MAGI3: variants seen among roughly 807,000 people sequenced by gnomAD.
MAGI3 encodes the protein membrane-associated guanylate kinase, WW and PDZ domain-containing protein 3.
A neutral mutation model predicts 121.8 loss-of-function variants in MAGI3; 43 were observed. That is an observed-to-expected ratio of 0.35 (90% confidence interval 0.28 to 0.46). The LOEUF (loss-of-function observed/expected upper bound fraction) is 0.46. MAGI3 is among the 20% of genes least tolerant of loss of function. The probability of loss-of-function intolerance (pLI) is 1.00; values close to 1 mark genes in which losing one functional copy is unlikely to be tolerated. For missense variants in MAGI3, 1,547 were observed against 1,797.3 expected (o/e 0.86, Z 2.52); for synonymous variants, 553 against 639.3 (o/e 0.86, Z 2.04).
chr1:113,659,144 A>G lies in MAGI3; in HGVS notation c.2694A>G (p.Lys898=), dbSNP rs140728689. The change falls in exon 16 of 21, where the codon AAA becomes AAG. Residue 898 remains lysine (K), a synonymous_variant. Transcript: ENST00000307546. ...GSPADRCGKL[K]VGDHISAVNG... is the part of the protein sequence containing the mutation. ...CGGCTGACCGCTGTGGAAAACTGAA[A>G]GTTGGAGATCATATCTCTGCAGTGA... 401 of 1,614,014 alleles carry G rather than the reference A, an allele frequency of 2.5e-4. 1 individual carries two copies. The African/African-American group carries it at 4.5e-3, about 18-fold the overall frequency.
At chr1:113,542,086 C>T (rs1187195984) in intron 1 of MAGI3, among the ~76,000 whole-genome samples, 7 of 152,120 alleles carry the variant, frequency 4.6e-5, no homozygotes, top group Admixed American at 4.6e-4. Context: ...GTTGTAAATT[C>T]CCACAATACT....
intron 12 of MAGI3, among the ~76,000 whole-genome samples, chr1:113,648,654 C>A (rs953232290): frequency 1.3e-5 from 2 of 151,858 alleles, no homozygotes; most frequent in Non-Finnish European, 2.9e-5. Flanking sequence ...GGCCAACTTA[C>A]TTACACCCTC....
intron 1 of MAGI3, among the ~76,000 whole-genome samples, chr1:113,411,575 A>G (rs557286177): frequency 6.6e-6 from 1 of 152,258 alleles, no homozygotes; most frequent in South Asian, 2.1e-4. Context: ...ATATGTTTTA[A>G]GTCACGATGA....
At chr1:113,647,273 G>A (rs754361251) in intron 12 of MAGI3, among the ~76,000 whole-genome samples, 3 of 152,232 alleles carry the variant, frequency 2.0e-5, no homozygotes, top group Non-Finnish European at 2.9e-5. Flanking sequence ...GGAACAGATT[G>A]AGGAAGGCCA....
At chr1:113,584,304 A>T (rs1229274435) in intron 3 of MAGI3, among the ~76,000 whole-genome samples, 4 of 152,160 alleles carry the variant, frequency 2.6e-5, no homozygotes, top group African/African-American at 9.6e-5. Flanking sequence ...GCTTTCCCAT[A>T]TTATTTGGCG....
At chr1:113,442,925 T>G (rs1462475534) in intron 1 of MAGI3, among the ~76,000 whole-genome samples, 2 of 152,192 alleles carry the variant, frequency 1.3e-5, no homozygotes, top group Non-Finnish European at 1.5e-5. Context: ...ATTTATAATT[T>G]GCCCTCAGTT....
intron 9 of MAGI3, among the ~76,000 whole-genome samples, chr1:113,636,146 C>A (rs1049573361): frequency 6.6e-6 from 1 of 150,992 alleles, no homozygotes. Flanking sequence ...TGCTAGTGGT[C>A]GATCAATTTT....
At chr1:113,474,353 A>T (rs1295026770) in intron 1 of MAGI3, among the ~76,000 whole-genome samples, 4 of 152,120 alleles carry the variant, frequency 2.6e-5, no homozygotes, top group Non-Finnish European at 2.9e-5. Flanking sequence ...TTATGTTATG[A>T]ATGGTATTGC....
intron 1 of MAGI3, among the ~76,000 whole-genome samples, chr1:113,531,837 C>T (rs1433956212): frequency 6.6e-6 from 1 of 152,070 alleles, no homozygotes; most frequent in Non-Finnish European, 1.5e-5. Context: ...CATACTGCAG[C>T]CACACTAAGG....
intron 1 of MAGI3, among the ~76,000 whole-genome samples, chr1:113,512,740 A>G (rs1657681992): frequency 6.6e-6 from 1 of 151,984 alleles, no homozygotes; most frequent in Non-Finnish European, 1.5e-5. Context: ...CTCTCTCACC[A>G]CTCCTATTCA....
At chr1:113,578,508 A>G (rs568828525) in intron 2 of MAGI3, among the ~76,000 whole-genome samples, 3 of 152,020 alleles carry the variant, frequency 2.0e-5, no homozygotes, top group African/African-American at 7.2e-5. Context: ...GCATCCTTCA[A>G]CTCCTGGTCT....
chr1:113,443,581 A>G (rs1181646370), intron 1 of MAGI3, among the ~76,000 whole-genome samples: 1 of 152,208 alleles, frequency 6.6e-6, no homozygotes, highest in South Asian at 2.1e-4. Context: ...TGATGCTTAG[A>G]ATGTACCAAT....
chr1:113,681,088 T>C (rs1404117442), intron 19 of MAGI3, 110 bp from the exon 20 acceptor site: 2 of 1,304,476 alleles, frequency 1.5e-6, no homozygotes, highest in Non-Finnish European at 2.1e-6. Context: ...TTAGGTATTT[T>C]ACAAACGAAA....
At chr1:113,404,611 T>C (rs983101578) in intron 1 of MAGI3, among the ~76,000 whole-genome samples, 1 of 152,130 alleles carries the variant, frequency 6.6e-6, no homozygotes, top group African/African-American at 2.4e-5. Context: ...CAGTTGACTA[T>C]GGTGGTAGTT....
chr1:113,572,378 G>T (rs1647350779), intron 2 of MAGI3, among the ~76,000 whole-genome samples: 1 of 152,182 alleles, frequency 6.6e-6, no homozygotes, highest in Non-Finnish European at 1.5e-5. Flanking sequence ...GTTCTGCCAG[G>T]TTTTGGTATC....
chr1:113,654,156 T>C (rs561997747), intron 15 of MAGI3, 138 bp downstream of exon 15: 1 of 663,086 alleles, frequency 1.5e-6, no homozygotes, highest in South Asian at 2.8e-5. Context: ...AATACTTTCC[T>C]TATTTTCAAA....
At chr1:113,441,691 G>A (rs1031825934) in intron 1 of MAGI3, among the ~76,000 whole-genome samples, 3 of 152,122 alleles carry the variant, frequency 2.0e-5, no homozygotes, top group African/African-American at 7.2e-5. Flanking sequence ...GGATGCTAGA[G>A]TAATACACAC....
intron 1 of MAGI3, among the ~76,000 whole-genome samples, chr1:113,392,254 G>A (rs1468148765): frequency 6.6e-6 from 1 of 152,162 alleles, no homozygotes; most frequent in Non-Finnish European, 1.5e-5. Flanking sequence ...ATAGAATGTG[G>A]TTCTGTCGTC....
At chr1:113,416,864 T>A (rs1031739540) in intron 1 of MAGI3, among the ~76,000 whole-genome samples, 1 of 151,928 alleles carries the variant, frequency 6.6e-6, no homozygotes, top group Non-Finnish European at 1.5e-5. Flanking sequence ...AAGTTGCATA[T>A]TTATTAAGAA....
Sources: allele counts gnomAD v4.1 joint callset (sites outside exome capture counted in the v4.1 genomes callset), GRCh38; gene constraint gnomAD v4.1.1; transcripts MANE v1.5; gene names NCBI Gene and HGNC (gene_info 2026-07-23, HGNC 2026-07-21).